Variants in PTPRA observed in about 807,000 individuals in gnomAD.
The protein encoded by PTPRA is protein tyrosine phosphatase receptor type A, also known as receptor-type tyrosine-protein phosphatase alpha.
PTPRA carries 25 observed loss-of-function variants against 104.8 expected under a neutral mutation model. The ratio of observed to expected loss-of-function variants is 0.24; its 90% CI spans 0.17 to 0.33. The LOEUF is 0.33. Among genes scored for constraint, PTPRA ranks in the 10% least tolerant of loss-of-function variants. The probability of loss-of-function intolerance (pLI) is 1.00; values close to 1 mark genes in which losing one functional copy is unlikely to be tolerated. For missense variants in PTPRA, 765 were observed against 1,015.3 expected (o/e 0.75, Z 3.35); for synonymous variants, 323 against 368.9 (o/e 0.88, Z 1.43).
chr20:2,946,625 G>A (rs958928740), intron 2 of PTPRA, among the ~76,000 whole-genome samples: 70 of 152,060 alleles, frequency 4.6e-4, no homozygotes, highest in African/African-American at 1.1e-3. Flanking sequence ...TGAGGCAGGC[G>A]GATCACAAGG....
chr20:2,971,815 A>G lies in PTPRA; in HGVS notation c.416-3400A>G, dbSNP rs1213172828. Among the ~76,000 whole-genome samples, 10 of 152,128 alleles carry G rather than the reference A, an allele frequency of 6.6e-5. No individual in the cohort carries two copies. The South Asian group carries it at 1.2e-3, about 19-fold the overall frequency. ...TTTTTTTCTCTTTTGGTCTGTTTCT[A>G]TGGTGGATTCTATTCCTAGGTTTGT... On this transcript the variant is annotated intron_variant, in intron 5 of 23. Transcript: ENST00000399903.
In PTPRA at chr20:3,027,186, T is replaced by A; in HGVS notation, c.1774T>A (p.Ser592Thr). Residue 592 changes from serine (S) to threonine (T), a missense_variant, in exon 19 of 24, where the codon TCC becomes ACC. This residue lies in a region of PTPRA where 192 missense variants were observed against 227.0 expected (regional missense o/e 0.85). Coordinates refer to ENST00000399903, the MANE Select transcript of PTPRA (RefSeq NM_001385305.1). ...AGAGAATACAGACTATGTGAACGCA[T>A]CCTTTATTGATGTAAGTGGTGGGTG... is the stretch of plus-strand genomic sequence containing the variant. ...GEENTDYVNA[S>T]FIDGYRQKDS... The A allele has an allele frequency of 6.2e-7, 1 of 1,614,020 alleles. No individual in the cohort carries two copies. Among genetic ancestry groups the A allele is most frequent in the Non-Finnish European group, 8.5e-7 (1 of 1,179,892 alleles).
At chr20:2,983,568 CAAAA>C (rs58694839) in intron 6 of PTPRA, among the ~76,000 whole-genome samples, 12 of 93,394 alleles carry the variant, frequency 1.3e-4, no homozygotes, top group Non-Finnish European at 2.2e-4. Flanking sequence ...AAAAAAAATG[CAAAA>C]AAAAAAAAAA....
At chr20:2,911,723 G>C (rs1483779502) in intron 1 of PTPRA, among the ~76,000 whole-genome samples, 1 of 152,136 alleles carries the variant, frequency 6.6e-6, no homozygotes, top group Non-Finnish European at 1.5e-5. Context: ...TAGTAAATAT[G>C]AGAGAAAGTG....
At chr20:3,015,774 G>T (rs1035933654) in intron 11 of PTPRA, 75 bp from the exon 12 acceptor site, 2 of 1,274,948 alleles carry the variant, frequency 1.6e-6, no homozygotes, top group Non-Finnish European at 2.3e-6. Context: ...TAACTGGTTG[G>T]AGTCAGACTG....
At chr20:3,029,025 A>G (rs181465741) in intron 20 of PTPRA, among the ~76,000 whole-genome samples, 1 of 152,230 alleles carries the variant, frequency 6.6e-6, no homozygotes, top group Admixed American at 6.5e-5. Context: ...TAGTTGTCTC[A>G]AGTCACTAGT....
intron 3 of PTPRA, among the ~76,000 whole-genome samples, chr20:2,948,699 C>A (rs1341788036): frequency 6.6e-6 from 1 of 152,162 alleles, no homozygotes; most frequent in Non-Finnish European, 1.5e-5. Flanking sequence ...CGCCTGGAAT[C>A]CCAGCACTTT....
In PTPRA at chr20:2,951,333, C is replaced by T. The variant is rs527302761; in HGVS notation, c.-7+3309C>T. Among the ~76,000 whole-genome samples, 3 of 152,266 alleles carry T rather than the reference C, an allele frequency of 2.0e-5. No individual in the cohort carries two copies. In the East Asian group the frequency reaches 5.8e-4, roughly 29 times the overall value. ...GCCAGGATGGTCTCGATCTCCTGAC[C>T]TCGTGATCCGCCCACCTCAGCCTCC... is the stretch of plus-strand genomic sequence containing the variant. On this transcript the variant is annotated intron_variant, in intron 3 of 23. Transcript: ENST00000399903.
upstream of PTPRA, among the ~76,000 whole-genome samples, chr20:2,868,521 G>A (rs2089388464): frequency 6.8e-6 from 1 of 147,868 alleles, no homozygotes; most frequent in Non-Finnish European, 1.5e-5. Context: ...GCTAGGTTTT[G>A]GAATCACAAT....
chr20:2,972,793 T>C (rs1475311030), intron 5 of PTPRA, among the ~76,000 whole-genome samples: 1 of 152,038 alleles, frequency 6.6e-6, no homozygotes, highest in Non-Finnish European at 1.5e-5. Context: ...TCTCGGCTCA[T>C]TGCGGCCTGC....
At chr20:2,915,012 T>A (rs2059850114) in intron 1 of PTPRA, among the ~76,000 whole-genome samples, 1 of 152,226 alleles carries the variant, frequency 6.6e-6, no homozygotes, top group Non-Finnish European at 1.5e-5. Context: ...CATTTTGACT[T>A]CTTTTACTTA....
chr20:2,988,875 A>G (rs1178891398), intron 9 of PTPRA, among the ~76,000 whole-genome samples: 1 of 152,248 alleles, frequency 6.6e-6, no homozygotes, highest in African/African-American at 2.4e-5. Flanking sequence ...GTAAGTTCAA[A>G]CAGCAGTACA....
chr20:2,986,157 T>C (rs2062900074), intron 6 of PTPRA, among the ~76,000 whole-genome samples: 1 of 152,204 alleles, frequency 6.6e-6, no homozygotes, highest in South Asian at 2.1e-4. Flanking sequence ...TCCACCCGCT[T>C]TGTCCTCCTA....
the PTPRA span, chr20:2,864,358 C>T: frequency 5.0e-5 from 81 of 1,614,060 alleles, no homozygotes; most frequent in African/African-American, 1.0e-3. The surrounding 1 kb of genome is among the most constrained non-coding windows in gnomAD (Gnocchi z 5.2). Flanking sequence ...ACCTTACTCT[C>T]CTGCAGTGTT....
chr20:2,879,503 T>C (rs1368976545), intron 1 of PTPRA, among the ~76,000 whole-genome samples: 1 of 152,114 alleles, frequency 6.6e-6, no homozygotes, highest in Non-Finnish European at 1.5e-5. Flanking sequence ...ACAGAGTAAT[T>C]CTCTGCCTAG....
At position 3,022,957 on chromosome 20, in the gene PTPRA, T is replaced by A. The variant is rs1215098682; in HGVS notation, c.1464+133T>A. On this transcript the variant is annotated intron_variant, in intron 16 of 23. Coordinates refer to ENST00000399903, the MANE Select transcript of PTPRA (RefSeq NM_001385305.1). The surrounding 1 kb of genome is among the most constrained non-coding windows in gnomAD (Gnocchi z 4.6). ...AGTGTGATTGTGGGGGAAAGAAAGA[T>A]AGATCACACTGTTACCGTGTCTATG... 1.1e-5 allele frequency: 15 copies of A among 1,386,530 alleles called. 1 individual carries two copies. Among genetic ancestry groups the A allele is most frequent in the South Asian group, 8.4e-5 (6 of 71,642 alleles). 85.9% of individuals were successfully genotyped at this position (1,386,530 alleles called of 1,614,324 possible).
rs770205736 is a variant in PTPRA at position 3,035,331 on chromosome 20, G to A, written c.1921-254G>A. ...GTCCTCCTCTCCCTGCAGCCACCAA[G>A]TATTGGATACCCTGTGAGCCTGTAG... On this transcript the variant is annotated intron_variant, in intron 20 of 23. Coordinates refer to ENST00000399903, the MANE Select transcript of PTPRA (RefSeq NM_001385305.1). The surrounding 1 kb of genome is among the most constrained non-coding windows in gnomAD (Gnocchi z 5.8). 2.6e-5 allele frequency among the ~76,000 whole-genome samples: 4 copies of A among 152,210 alleles called. No homozygotes were observed. Among genetic ancestry groups the A allele is most frequent in the Non-Finnish European group, 5.9e-5 (4 of 68,036 alleles).
At chr20:2,936,130 A>G (rs957784402) in intron 2 of PTPRA, among the ~76,000 whole-genome samples, 3 of 151,986 alleles carry the variant, frequency 2.0e-5, no homozygotes, top group Non-Finnish European at 4.4e-5. Context: ...AAGTGCTGAC[A>G]TTATAGCCAT....
At chr20:2,966,413 T>C (rs559708098) in intron 5 of PTPRA, among the ~76,000 whole-genome samples, 1 of 152,374 alleles carries the variant, frequency 6.6e-6, no homozygotes, top group African/African-American at 2.4e-5. Flanking sequence ...GTAAAGCACT[T>C]ATAAAGGTGC....
Sources: gnomAD v4.1 joint callset for allele counts (sites outside exome capture counted in the v4.1 genomes callset) on GRCh38, gnomAD v4.1.1 for gene constraint, gnomAD v4.1.1 regional missense constraint, Gnocchi (gnomAD v3.1) non-coding constraint, MANE v1.5 for transcripts, NCBI Gene and HGNC (gene_info 2026-07-23, HGNC 2026-07-21) for gene names.